AP3B1: variants seen among roughly 807,000 people sequenced by gnomAD.
The protein encoded by AP3B1 is AP-3 complex subunit beta-1.
AP3B1 carries 61 observed loss-of-function variants against 132.5 expected under a neutral mutation model. The ratio of observed to expected loss-of-function variants is 0.46; its 90% confidence interval spans 0.37 to 0.57. AP3B1 has a LOEUF of 0.57. Among genes scored for constraint, AP3B1 ranks in the 20% least tolerant of loss-of-function variants. The probability of loss-of-function intolerance (pLI) is 0.00; values close to 1 mark genes in which losing one functional copy is unlikely to be tolerated. For missense variants in AP3B1, 1,120 were observed against 1,289.4 expected (o/e 0.87, Z 2.01); for synonymous variants, 388 against 438.3 (o/e 0.89, Z 1.43).
intron 24 of AP3B1, among the ~76,000 whole-genome samples, chr5:78,033,114 C>T (rs145834089): frequency 2.6e-5 from 4 of 152,130 alleles, no homozygotes; most frequent in East Asian, 1.9e-4. Context: ...TAACTTGGTA[C>T]GTGAGCTTTG....
At chr5:78,173,662 T>G (rs1744021478) in intron 11 of AP3B1, among the ~76,000 whole-genome samples, 1 of 144,804 alleles carries the variant, frequency 6.9e-6, no homozygotes, top group African/African-American at 2.9e-5. Context: ...AGATGTGTCT[T>G]GGGGTTGCTC....
intron 15 of AP3B1, among the ~76,000 whole-genome samples, chr5:78,132,650 G>C (rs1056306548): frequency 8.5e-5 from 13 of 152,258 alleles, no homozygotes; most frequent in Admixed American, 5.2e-4. Context: ...GCACCTGTAC[G>C]TATTAAATTA....
At chr5:78,134,966 G>A (rs958639772) in intron 15 of AP3B1, among the ~76,000 whole-genome samples, 5 of 152,138 alleles carry the variant, frequency 3.3e-5, no homozygotes, top group Admixed American at 2.0e-4. Flanking sequence ...CTTCCTTTCT[G>A]TATTATATTT....
chr5:78,077,168 C>T (rs1749801263), intron 22 of AP3B1, among the ~76,000 whole-genome samples: 3 of 152,084 alleles, frequency 2.0e-5, no homozygotes, highest in Admixed American at 6.5e-5. Flanking sequence ...CCTTACTATT[C>T]CTCAGTGTAC....
rs1748877740 is a variant in AP3B1 at position 78,278,385 on chromosome 5, G to A, written c.129-10790C>T. Among the ~76,000 whole-genome samples, 3 of 92,162 alleles carry A rather than the reference G, an allele frequency of 3.3e-5. 1 individual carries two copies. The East Asian group carries it at 8.7e-4, about 27-fold the overall frequency. 60.5% of individuals were successfully genotyped at this position (92,162 alleles called of 152,430 possible). ...GAGGCCGAGGCGGGCGGATCACGAG[G>A]TCAGGAGATCGAGACCATCCCGGCT... is the stretch of plus-strand genomic sequence containing the variant. On this transcript the variant is annotated intron_variant, in intron 1 of 26. Coordinates refer to ENST00000255194, the MANE Select transcript of AP3B1 (RefSeq NM_003664.5).
chr5:78,159,429 G>GACT (rs1329375942), intron 13 of AP3B1, among the ~76,000 whole-genome samples: 1 of 152,106 alleles, frequency 6.6e-6, no homozygotes, highest in Non-Finnish European at 1.5e-5. Context: ...GGTCTTATGG[G>GACT]ACTAACATCA....
chr5:78,285,982 A>C (rs921537055), intron 1 of AP3B1, among the ~76,000 whole-genome samples: 2 of 152,110 alleles, frequency 1.3e-5, no homozygotes, highest in African/African-American at 4.8e-5. Context: ...TAAAGGGTAA[A>C]CAATCATTTC....
chr5:78,070,030 G>A (rs1485394506), intron 22 of AP3B1, among the ~76,000 whole-genome samples: 3 of 152,126 alleles, frequency 2.0e-5, no homozygotes, highest in Non-Finnish European at 4.4e-5. Context: ...AAGGTGCTGG[G>A]AAAACTGGCT....
chr5:78,294,543 C>T lies in AP3B1; in HGVS notation c.37G>A (p.Gly13Arg). 1 of 1,614,246 alleles carries T rather than the reference C, an allele frequency of 6.2e-7. No individual in the cohort carries two copies. The highest frequency in any genetic ancestry group is 8.5e-7 in the Non-Finnish European group (1 of 1,180,048). ...SNSFPYNEQS[G>R]GGEATELGQE... is the part of the protein sequence containing the mutation. ...CCCAGCTCCGTCGCCTCCCCTCCTC[C>T]GGACTGCTCATTGTAAGGAAAACTA... The change falls in exon 1 of 27, where the codon GGA becomes AGA. Residue 13 changes from glycine (G) to arginine (R), a missense_variant. Coordinates refer to ENST00000255194, the MANE Select transcript of AP3B1 (RefSeq NM_003664.5).
At chr5:78,075,794 C>G (rs183725408) in intron 22 of AP3B1, among the ~76,000 whole-genome samples, 2 of 152,316 alleles carry the variant, frequency 1.3e-5, no homozygotes, top group African/African-American at 4.8e-5. Flanking sequence ...CCAAACTTAA[C>G]GTCATCTTTT....
intron 1 of AP3B1, among the ~76,000 whole-genome samples, chr5:78,274,512 GA>G (rs1348888804): frequency 1.3e-5 from 2 of 151,880 alleles, no homozygotes; most frequent in African/African-American, 4.8e-5. Context: ...CTGAACCTAT[GA>G]AAAACATAAA....
chr5:78,049,760 C>T (rs1312447094), intron 22 of AP3B1, among the ~76,000 whole-genome samples: 2 of 152,140 alleles, frequency 1.3e-5, no homozygotes, highest in Non-Finnish European at 2.9e-5. Flanking sequence ...TGAACATAGA[C>T]TGAATTGCTA....
At chr5:78,118,989 G>A (rs186635842) in intron 17 of AP3B1, among the ~76,000 whole-genome samples, 4 of 152,138 alleles carry the variant, frequency 2.6e-5, no homozygotes, top group Admixed American at 6.5e-5. Flanking sequence ...CCAGAGGAAC[G>A]ATCAGGCAGC....
intron 22 of AP3B1, among the ~76,000 whole-genome samples, chr5:78,077,967 T>A (rs1749831477): frequency 6.6e-6 from 1 of 152,168 alleles, no homozygotes; most frequent in Non-Finnish European, 1.5e-5. Flanking sequence ...GATTCCATCT[T>A]CAGTTGTCTC....
At chr5:78,052,174 TTATGA>T (rs1343019204) in intron 22 of AP3B1, among the ~76,000 whole-genome samples, 8 of 152,172 alleles carry the variant, frequency 5.3e-5, no homozygotes, top group African/African-American at 1.9e-4. Flanking sequence ...ATATACAAAT[TTATGA>T]TAATTTCTCA....
chr5:78,039,668 C>T (rs1443675675), intron 22 of AP3B1, among the ~76,000 whole-genome samples: 3 of 151,318 alleles, frequency 2.0e-5, no homozygotes, highest in Admixed American at 2.0e-4. Context: ...GTCCCAGCTA[C>T]TTGGGAGGCT....
intron 15 of AP3B1, among the ~76,000 whole-genome samples, chr5:78,129,660 CAAAACTT>C (rs1486726247): frequency 1.3e-5 from 2 of 152,022 alleles, no homozygotes; most frequent in African/African-American, 4.8e-5. Context: ...ACATGGCACT[CAAAACTT>C]AATCGGAAAA....
intron 25 of AP3B1, among the ~76,000 whole-genome samples, chr5:78,017,042 A>G (rs754417403): frequency 7.9e-5 from 12 of 152,088 alleles, no homozygotes; most frequent in Non-Finnish European, 1.6e-4. Context: ...CAAAGCCAGT[A>G]CTTTTGTCAA....
chr5:78,099,159 T>C (rs1291243790), intron 21 of AP3B1, among the ~76,000 whole-genome samples: 1 of 152,184 alleles, frequency 6.6e-6, no homozygotes, highest in Admixed American at 6.5e-5. Context: ...CCCTCACCTA[T>C]CATCAAATAC....
Sources: gnomAD v4.1 joint callset for allele counts (sites outside exome capture counted in the v4.1 genomes callset) on GRCh38, gnomAD v4.1.1 for gene constraint, MANE v1.5 for transcripts, NCBI Gene and HGNC (gene_info 2026-07-23, HGNC 2026-07-21) for gene names.